Variants in AKAP13 observed in about 807,000 individuals in gnomAD.
AKAP13 encodes A-kinase anchoring protein 13.
Under a neutral mutation model 264.5 loss-of-function variants are expected in AKAP13, and 80 were observed. The ratio of observed to expected loss-of-function variants is 0.30; its 90% CI spans 0.25 to 0.36. The LOEUF (loss-of-function observed/expected upper bound fraction) is 0.36, where lower values mean the gene tolerates loss of function less well. Ranked by LOEUF, AKAP13 falls within the 10% of genes least tolerant of loss-of-function variation. The probability of loss-of-function intolerance (pLI) is 1.00; values close to 1 mark genes in which losing one functional copy is unlikely to be tolerated. For synonymous variants in AKAP13, 1,380 were observed against 1,250.2 expected (o/e 1.10, Z -2.19); for missense variants, 3,712 against 3,435.2 (o/e 1.08, Z -2.01).
intron 4 of AKAP13, among the ~76,000 whole-genome samples, chr15:85,537,803 A>G (rs1236654541): frequency 6.6e-6 from 1 of 152,244 alleles, no homozygotes; most frequent in Non-Finnish European, 1.5e-5. Flanking sequence ...GTGCTAGTTT[A>G]TAAGCTATTC....
chr15:85,492,616 A>G (rs186174520), intron 2 of AKAP13, among the ~76,000 whole-genome samples: 1 of 152,348 alleles, frequency 6.6e-6, no homozygotes, highest in Non-Finnish European at 1.5e-5. Context: ...TATAATTAAC[A>G]AAAAACAGGA....
chr15:85,535,178 G>A lies in AKAP13; in HGVS notation c.478+1298G>A, dbSNP rs368115306. The A allele has an allele frequency of 1.9e-4, 29 of 152,360 alleles. No individual in the cohort carries two copies. In the East Asian group the frequency reaches 5.0e-3, roughly 26 times the overall value. The allele number at this position is 152,360 out of a possible 1,614,324, so 9.4% of individuals were successfully genotyped here. Reference sequence around the variant, plus strand: ...CAGTTCCTGAGGAGAAATACCCAGAGGGGCCTGAGCCATAGCATAGTTAGT... The same window carrying A: ...CAGTTCCTGAGGAGAAATACCCAGAAGGGCCTGAGCCATAGCATAGTTAGT... On this transcript the variant is annotated intron_variant, in intron 4 of 36. Coordinates refer to ENST00000394518, the MANE Select transcript of AKAP13 (RefSeq NM_007200.5).
intron 1 of AKAP13, among the ~76,000 whole-genome samples, 162 bp downstream of exon 1, chr15:85,380,960 G>C (rs1401229403): frequency 6.6e-6 from 1 of 152,126 alleles, no homozygotes; most frequent in Non-Finnish European, 1.5e-5. Context: ...ACGGGTCGCC[G>C]GGCGGCGCCG....
Position 85,543,849 on chromosome 15 carries a change from A to G in AKAP13, c.556A>G (p.Lys186Glu). 1 of 1,614,114 alleles carries G rather than the reference A, an allele frequency of 6.2e-7. No individual in the cohort carries two copies. Among genetic ancestry groups the G allele is most frequent in the Non-Finnish European group, 8.5e-7 (1 of 1,179,990 alleles). ...LLRLTWFLLQ[K>E]PGGRGALSIH... ...GAGGTTGACGTGGTTCCTGTTGCAG[A>G]AGCCAGGTGGCCGCGGAGCTCTCAG... Residue 186 changes from lysine to glutamate, a missense_variant, in exon 5 of 37, where the codon AAG becomes GAG. This residue lies in a region of AKAP13 where 2,759 missense variants were observed against 2,411.7 expected (regional missense o/e 1.14). Transcript: ENST00000394518.
chr15:85,637,340 A>T (rs1410286374), intron 8 of AKAP13, among the ~76,000 whole-genome samples: 1 of 152,230 alleles, frequency 6.6e-6, no homozygotes, highest in Non-Finnish European at 1.5e-5. Context: ...AAGGCTATTT[A>T]GATTATCTAT....
At chr15:85,632,317 A>G (rs1399472063) in intron 8 of AKAP13, among the ~76,000 whole-genome samples, 2 of 152,232 alleles carry the variant, frequency 1.3e-5, no homozygotes, top group Non-Finnish European at 2.9e-5. Flanking sequence ...CAGCTGAGAA[A>G]TCTAAACCTG....
intron 16 of AKAP13, 74 bp downstream of exon 16, chr15:85,684,947 T>G: frequency 6.7e-7 from 1 of 1,496,674 alleles, no homozygotes; most frequent in South Asian, 1.4e-5. Flanking sequence ...ACACCAAAAC[T>G]GGTTAAATCA....
intron 12 of AKAP13, chr15:85,662,309 G>A (rs1472507996): frequency 1.2e-5 from 18 of 1,487,158 alleles, no homozygotes; most frequent in East Asian, 2.3e-5. Flanking sequence ...TATGCCCTTC[G>A]TTTTTAAACC....
In AKAP13 at chr15:85,580,558, A is replaced by C; in HGVS notation, c.2490A>C (p.Gly830=). 6.2e-7 allele frequency: 1 copy of C among 1,614,228 alleles called. No homozygotes were observed. The highest frequency in any genetic ancestry group is 8.5e-7 in the Non-Finnish European group (1 of 1,180,042). The part of the protein sequence containing the change: ...TATDYRDGPD[G]NSNEPDTRPL... ...CAGATTATAGAGATGGCCCAGATGG[A>C]AATTCGAATGAGCCTGATACGCGGC... Residue 830 remains glycine, a synonymous_variant, in exon 7 of 37, where the codon GGA becomes GGC. Transcript: ENST00000394518.
At chr15:85,585,890 A>G (rs770319402) in intron 8 of AKAP13, 67 bp downstream of exon 8, 13 of 1,577,756 alleles carry the variant, frequency 8.2e-6, no homozygotes, top group Admixed American at 3.5e-5. Flanking sequence ...TGTCTTATTT[A>G]TGGCTTTGTC....
rs762473477 is a variant in AKAP13 at position 85,613,679 on chromosome 15, TAAAA to T, written c.4162-25685_4162-25682del. Among the ~76,000 whole-genome samples, 32 of 102,764 alleles carry T rather than the reference TAAAA, an allele frequency of 3.1e-4. 1 individual carries two copies. Among genetic ancestry groups the T allele is most frequent in the East Asian group, 6.2e-4 (2 of 3,222 alleles). The allele number at this position is 102,764 out of a possible 152,430, so 67.4% of individuals were successfully genotyped here. ...CTGGGCAACAGAGCCAGACTCCGTC[TAAAA>T]AAAAAAAAATATATATATATATATA... On this transcript the variant is annotated intron_variant, in intron 8 of 36. Coordinates refer to ENST00000394518, the MANE Select transcript of AKAP13 (RefSeq NM_007200.5).
Position 85,735,057 on chromosome 15 carries a change from C to T in AKAP13, c.7348C>T (p.Pro2450Ser), listed in dbSNP as rs751582160. 4 of 1,614,190 alleles carry T rather than the reference C, an allele frequency of 2.5e-6. No homozygotes were observed. The East Asian group carries it at 6.7e-5, about 27-fold the overall frequency. The part of the protein sequence containing the change: ...GGTLGPTVSS[P>S]IEQDVVGPVS... ...CACACTTGGGCCGACTGTCAGCAGC[C>T]CCATTGAGCAAGATGTGGTCGGTCC... is the stretch of plus-strand genomic sequence containing the variant. The change falls in exon 31 of 37, where the codon CCC becomes TCC. Residue 2450 changes from proline to serine, a missense_variant. Transcript: ENST00000394518.
At chr15:85,701,484 G>A (rs2085909526) in intron 17 of AKAP13, among the ~76,000 whole-genome samples, 1 of 152,134 alleles carries the variant, frequency 6.6e-6, no homozygotes, top group East Asian at 1.9e-4. Flanking sequence ...CTGTCACCTA[G>A]GCTGGAGTAC....
intron 12 of AKAP13, among the ~76,000 whole-genome samples, chr15:85,661,574 A>C (rs2083347374): frequency 6.6e-6 from 1 of 152,096 alleles, no homozygotes; most frequent in African/African-American, 2.4e-5. Flanking sequence ...ATACAAAATT[A>C]GCTGGGTGTG....
chr15:85,663,138 C>T (rs1425647524), intron 12 of AKAP13, among the ~76,000 whole-genome samples: 1 of 151,998 alleles, frequency 6.6e-6, no homozygotes, highest in African/African-American at 2.4e-5. Context: ...GGTGAAACCC[C>T]ATCTCTACTA....
At chr15:85,676,830 G>A in intron 14 of AKAP13, 1 of 678,004 alleles carries the variant, frequency 1.5e-6, no homozygotes, top group South Asian at 6.6e-5. Flanking sequence ...ATGGAGATGA[G>A]AATGTAAACA....
At chr15:85,559,289 T>TAG (rs1235132261) in intron 5 of AKAP13, among the ~76,000 whole-genome samples, 1 of 152,142 alleles carries the variant, frequency 6.6e-6, no homozygotes, top group Non-Finnish European at 1.5e-5. Flanking sequence ...TAGATCAACC[T>TAG]AGTTTGTGTA....
In AKAP13 at chr15:85,743,822, G is replaced by A. The variant is rs368138439; in HGVS notation, c.8389G>A (p.Gly2797Ser). Residue 2797 changes from glycine (G) to serine (S), a missense_variant, in exon 36 of 37, where the codon GGT (glycine) becomes AGT (serine). Physicochemically the swap from Gly to Ser is moderately conservative, Grantham distance 56. Coordinates refer to ENST00000394518, the MANE Select transcript of AKAP13 (RefSeq NM_007200.5). ...GAACAAAACCAGCCGCTCTCAGCCC[G>A]GTGGTGAGTCACGCACACCTGCTCT... ...KKNKTSRSQPGDGPASEVSAE... is the reference protein window; with the variant it reads ...KKNKTSRSQPSDGPASEVSAE... 1.6e-5 allele frequency: 26 copies of A among 1,607,572 alleles called. No individual in the cohort carries two copies. Among genetic ancestry groups the A allele is most frequent in the Middle Eastern group, 1.8e-4 (1 of 5,602 alleles).
chr15:85,477,641 A>G (rs1362123205), intron 1 of AKAP13, among the ~76,000 whole-genome samples: 1 of 146,144 alleles, frequency 6.8e-6, no homozygotes, highest in Non-Finnish European at 1.6e-5. Flanking sequence ...AAAAAGGAAA[A>G]AAAAAAAAAA....
Sources: gnomAD v4.1 joint callset for allele counts (sites outside exome capture counted in the v4.1 genomes callset) on GRCh38, gnomAD v4.1.1 for gene constraint, gnomAD v4.1.1 regional missense constraint, MANE v1.5 for transcripts, NCBI Gene and HGNC (gene_info 2026-07-23, HGNC 2026-07-21) for gene names.